The following MYO16 variants were observed in gnomAD, a reference collection of about 807,000 sequenced individuals.
MYO16 encodes the protein unconventional myosin-XVI.
In MYO16, 94 loss-of-function variants were observed where a neutral mutation model predicts 205.3. That is an observed-to-expected ratio of 0.46 (90% CI 0.39 to 0.54). The LOEUF (loss-of-function observed/expected upper bound fraction) is 0.54. Among genes scored for constraint, MYO16 ranks in the 20% least tolerant of loss-of-function variants. MYO16 has a pLI of 0.00. For synonymous variants in MYO16, 988 were observed against 954.0 expected (o/e 1.04, Z -0.66); for missense variants, 2,315 against 2,387.5 (o/e 0.97, Z 0.63).
chr13:109,083,249 G>T (rs946423175), intron 27 of MYO16, among the ~76,000 whole-genome samples: 4 of 151,696 alleles, frequency 2.6e-5, no homozygotes, highest in Non-Finnish European at 4.4e-5. Flanking sequence ...TGGACGTGGT[G>T]GTGGGCGCCT....
intron 16 of MYO16, among the ~76,000 whole-genome samples, chr13:108,910,923 C>T (rs1389863633): frequency 2.7e-4 from 41 of 151,998 alleles, no homozygotes; most frequent in Middle Eastern, 3.2e-3. Flanking sequence ...CAGATACCTG[C>T]TGATACCTGA....
the MYO16 span, among the ~76,000 whole-genome samples, chr13:108,549,485 T>C: frequency 9.2e-5 from 14 of 152,140 alleles, no homozygotes; most frequent in African/African-American, 3.4e-4. Context: ...AATAAATCTG[T>C]GTTGTCTTAA....
intron 1 of MYO16, among the ~76,000 whole-genome samples, chr13:108,611,678 C>G (rs1215287395): frequency 6.6e-6 from 1 of 152,058 alleles, no homozygotes; most frequent in Non-Finnish European, 1.5e-5. Flanking sequence ...AACTTCTGCC[C>G]TCTACACAGT....
chr13:108,503,386 AC>A, the MYO16 span, among the ~76,000 whole-genome samples: 1 of 152,124 alleles, frequency 6.6e-6, no homozygotes, highest in Non-Finnish European at 1.5e-5. Flanking sequence ...TTCAAAGCAG[AC>A]CTGTTCTTCA....
intron 1 of MYO16, among the ~76,000 whole-genome samples, chr13:108,661,958 C>T (rs1445087399): frequency 6.6e-6 from 1 of 152,166 alleles, no homozygotes; most frequent in African/African-American, 2.4e-5. Flanking sequence ...TGTTCAGATT[C>T]TTCTGTCCTA....
At chr13:108,630,172 A>G (rs960220161) in intron 1 of MYO16, among the ~76,000 whole-genome samples, 2 of 151,904 alleles carry the variant, frequency 1.3e-5, no homozygotes, top group African/African-American at 4.8e-5. Context: ...AAACACATGG[A>G]AAGAAATTAC....
chr13:108,783,139 G>A lies in MYO16; in HGVS notation c.508-2496G>A, dbSNP rs143194863. Among the ~76,000 whole-genome samples, 71 of 152,258 alleles carry A rather than the reference G, an allele frequency of 4.7e-4. No individual in the cohort carries two copies. In the South Asian group the frequency reaches 8.9e-3, roughly 19 times the overall value. On this transcript the variant is annotated intron_variant, in intron 4 of 34. Transcript: ENST00000457511. Reference sequence around the variant, plus strand: ...GAAAAGCCACAGACACTCAACACTAGCTCGTGAAAGCAGCCAGGAGGGAGG... The same window carrying A: ...GAAAAGCCACAGACACTCAACACTAACTCGTGAAAGCAGCCAGGAGGGAGG...
chr13:108,916,197 G>A (rs1217835919), intron 16 of MYO16, among the ~76,000 whole-genome samples: 1 of 152,176 alleles, frequency 6.6e-6, no homozygotes, highest in African/African-American at 2.4e-5. Context: ...TAACCTAAGT[G>A]ACAGTCACAG....
intron 12 of MYO16, among the ~76,000 whole-genome samples, chr13:108,878,258 G>T (rs1879419836): frequency 6.6e-6 from 1 of 152,052 alleles, no homozygotes; most frequent in African/African-American, 2.4e-5. Context: ...GGCCCACCAT[G>T]ACCCCATCCT....
In MYO16 at chr13:108,846,642, T is replaced by A. The variant is rs565473021; in HGVS notation, c.1248+2149T>A. On this transcript the variant is annotated intron_variant, in intron 10 of 34. Coordinates refer to ENST00000457511, the MANE Select transcript of MYO16 (RefSeq NM_001198950.3). The stretch of plus-strand genomic sequence containing the variant: ...GAGTGTGACTGACAATTGAACACTA[T>A]TTTTAAACTTATGGAGTTATTTTCC... Among the ~76,000 whole-genome samples the A allele has an allele frequency of 5.9e-5, 9 of 152,200 alleles. No homozygotes were observed. In the South Asian group the frequency reaches 1.9e-3, roughly 32 times the overall value.
At chr13:109,164,504 C>G (rs958550512) in intron 32 of MYO16, among the ~76,000 whole-genome samples, 1 of 152,178 alleles carries the variant, frequency 6.6e-6, no homozygotes, top group South Asian at 2.1e-4. Context: ...TGTTTCTTAT[C>G]ACTCAAGTGT....
intron 19 of MYO16, among the ~76,000 whole-genome samples, chr13:108,962,952 A>C (rs1883644531): frequency 6.6e-6 from 1 of 152,270 alleles, no homozygotes; most frequent in Non-Finnish European, 1.5e-5. Context: ...TGATGTGGGC[A>C]TTACTATTTC....
intron 6 of MYO16, among the ~76,000 whole-genome samples, chr13:108,801,568 T>C (rs1886969900): frequency 6.6e-6 from 1 of 152,178 alleles, no homozygotes; most frequent in Admixed American, 6.5e-5. Context: ...AATGAAAATG[T>C]GTCTGTATAA....
chr13:108,727,718 G>A (rs1884390268), intron 4 of MYO16, 135 bp downstream of exon 4: 1 of 957,072 alleles, frequency 1.0e-6, no homozygotes, highest in Admixed American at 3.0e-5. Context: ...TATCTCCCTA[G>A]AACACAAGAT....
At chr13:108,626,075 A>G (rs1879723346), upstream of MYO16, among the ~76,000 whole-genome samples, 1 of 152,110 alleles carries the variant, frequency 6.6e-6, no homozygotes, top group Non-Finnish European at 1.5e-5. Context: ...CATTAGAATC[A>G]TTGCAGTTTC....
At chr13:108,667,289 TA>T in intron 2 of MYO16, among the ~76,000 whole-genome samples, 1 of 151,056 alleles carries the variant, frequency 6.6e-6, no homozygotes, top group East Asian at 1.9e-4. Flanking sequence ...TTTTTCTAGT[TA>T]AACTGTAATA....
At chr13:108,700,332 C>CA (rs1183646145) in intron 2 of MYO16, among the ~76,000 whole-genome samples, 3,524 of 96,362 alleles carry the variant, frequency 0.037, 111 homozygotes, top group East Asian at 0.11. Flanking sequence ...AACTCTGTCT[C>CA]AAAAAAAAAA....
At chr13:108,602,287 C>T (rs1451766926) in intron 1 of MYO16, among the ~76,000 whole-genome samples, 1 of 152,074 alleles carries the variant, frequency 6.6e-6, no homozygotes, top group African/African-American at 2.4e-5. Context: ...CCCACACAAG[C>T]ATACAGCATT....
the MYO16 span, among the ~76,000 whole-genome samples, chr13:108,502,395 A>T: frequency 6.6e-6 from 1 of 152,204 alleles, no homozygotes; most frequent in Non-Finnish European, 1.5e-5. Flanking sequence ...AATGTAAGTA[A>T]AGTTAATTCC....
Sources: gnomAD v4.1 joint callset for allele counts (sites outside exome capture counted in the v4.1 genomes callset) on GRCh38, gnomAD v4.1.1 for gene constraint, MANE v1.5 for transcripts, NCBI Gene and HGNC (gene_info 2026-07-23, HGNC 2026-07-21) for gene names.